LAMA2: variants seen among roughly 807,000 people sequenced by gnomAD.
The protein encoded by LAMA2 is laminin subunit alpha 2.
LAMA2 carries 269 observed loss-of-function variants against 364.8 expected under a neutral mutation model. That is an observed-to-expected ratio of 0.74 (90% CI 0.67 to 0.82). The LOEUF (loss-of-function observed/expected upper bound fraction) is 0.82, where lower values mean the gene tolerates loss of function less well. Ranked by LOEUF, LAMA2 falls within the 40% of genes least tolerant of loss-of-function variation. The pLI is 0.00. For synonymous variants in LAMA2, 1,379 were observed against 1,370.6 expected (o/e 1.01, Z -0.14); for missense variants, 3,807 against 3,873.2 (o/e 0.98, Z 0.45).
At chr6:129,443,265 T>G (rs1457082742) in intron 44 of LAMA2, among the ~76,000 whole-genome samples, 197 bp downstream of exon 44, 1 of 152,050 alleles carries the variant, frequency 6.6e-6, no homozygotes, top group African/African-American at 2.4e-5. Flanking sequence ...TGGATAAAGG[T>G]GATATAAAAT....
At chr6:129,146,573 C>T (rs1003935514) in intron 5 of LAMA2, among the ~76,000 whole-genome samples, 1 of 152,006 alleles carries the variant, frequency 6.6e-6, no homozygotes, top group South Asian at 2.1e-4. Flanking sequence ...TTTGTGAATA[C>T]TGCAGTTGCT....
At chr6:129,484,396 C>T (rs1784497742) in intron 55 of LAMA2, among the ~76,000 whole-genome samples, 1 of 152,314 alleles carries the variant, frequency 6.6e-6, no homozygotes, top group South Asian at 2.1e-4. Flanking sequence ...TGTGCATACT[C>T]TCTACAAGCC....
At chr6:129,075,851 G>T (rs746393308) in intron 3 of LAMA2, among the ~76,000 whole-genome samples, 13 of 152,112 alleles carry the variant, frequency 8.5e-5, no homozygotes, top group Non-Finnish European at 1.8e-4. Context: ...CACTTTGGGA[G>T]GTTGAGGTGG....
At chr6:129,377,449 C>T (rs999026573) in intron 34 of LAMA2, among the ~76,000 whole-genome samples, 6 of 151,998 alleles carry the variant, frequency 3.9e-5, no homozygotes, top group Non-Finnish European at 8.8e-5. Context: ...TTAAAATTGG[C>T]ACGTGAAATA....
chr6:129,219,947 T>G (rs1289730898), intron 12 of LAMA2, among the ~76,000 whole-genome samples: 1 of 151,524 alleles, frequency 6.6e-6, no homozygotes, highest in Non-Finnish European at 1.5e-5. Context: ...GGTGCACATG[T>G]ACCCTAAAAC....
At chr6:129,363,344 C>A (rs968837611) in intron 32 of LAMA2, among the ~76,000 whole-genome samples, 14 of 152,124 alleles carry the variant, frequency 9.2e-5, no homozygotes, top group African/African-American at 3.4e-4. Flanking sequence ...TTAGACCTTA[C>A]CACAGACCCA....
At chr6:129,371,607 CT>C (rs376262275) in intron 34 of LAMA2, among the ~76,000 whole-genome samples, 177 of 132,544 alleles carry the variant, frequency 1.3e-3, no homozygotes, top group Middle Eastern at 4.0e-3. Context: ...AAAAGTATTT[CT>C]TTTTTTTTTT....
chr6:129,173,866 T>C (rs1780385175), intron 9 of LAMA2, among the ~76,000 whole-genome samples: 1 of 152,186 alleles, frequency 6.6e-6, no homozygotes, highest in Admixed American at 6.5e-5. Context: ...TCTTCTCTGA[T>C]TTTTCTTTTA....
chr6:129,175,269 G>C (rs1403737771), intron 9 of LAMA2, among the ~76,000 whole-genome samples: 3 of 152,120 alleles, frequency 2.0e-5, no homozygotes, highest in Non-Finnish European at 4.4e-5. Context: ...CCCACCAGTT[G>C]TGCTCCTTTG....
chr6:129,374,580 T>C (rs1414999345), intron 34 of LAMA2, among the ~76,000 whole-genome samples: 1 of 133,494 alleles, frequency 7.5e-6, no homozygotes, highest in Non-Finnish European at 1.6e-5. Flanking sequence ...ACTGCCAATC[T>C]TTTTTTTTTT....
At chr6:129,274,913 T>C (rs994038078) in intron 17 of LAMA2, among the ~76,000 whole-genome samples, 3 of 152,010 alleles carry the variant, frequency 2.0e-5, no homozygotes, top group Admixed American at 1.3e-4. Flanking sequence ...TGTTTGAATA[T>C]ATAATATTAT....
At chr6:129,129,656 GGC>G (rs1213909868) in intron 4 of LAMA2, among the ~76,000 whole-genome samples, 2 of 152,096 alleles carry the variant, frequency 1.3e-5, no homozygotes, top group Non-Finnish European at 2.9e-5. Context: ...CGGGCGCGGT[GGC>G]TCACGCCTGT....
intron 1 of LAMA2, among the ~76,000 whole-genome samples, chr6:128,944,533 G>A (rs780139649): frequency 1.3e-5 from 2 of 152,100 alleles, no homozygotes; most frequent in East Asian, 1.9e-4. Context: ...AGTGGCTCAC[G>A]CCTGTAATCC....
chr6:128,884,893 T>C (rs1172910652), intron 1 of LAMA2, among the ~76,000 whole-genome samples: 1 of 152,164 alleles, frequency 6.6e-6, no homozygotes, highest in Non-Finnish European at 1.5e-5. Flanking sequence ...ACTCAAAGCA[T>C]GCAGAGTAAG....
rs992393307 is a variant in LAMA2, at chr6:129,286,450, A to C, written c.2538-1397A>C. On this transcript the variant is annotated intron_variant, in intron 18 of 64. Coordinates refer to ENST00000421865, the MANE Select transcript of LAMA2 (RefSeq NM_000426.4). ...AGCAGTAAGTTGCATTTTAAAACAT[A>C]ACATTTAGGTCAGAGAAAATTTGCT... Among the ~76,000 whole-genome samples, 3 of 147,262 alleles carry C rather than the reference A, an allele frequency of 2.0e-5. No individual in the cohort carries two copies. The Admixed American group carries it at 2.1e-4, about 10-fold the overall frequency.
chr6:129,327,202 C>T (rs1775353591), intron 28 of LAMA2, among the ~76,000 whole-genome samples: 1 of 152,054 alleles, frequency 6.6e-6, no homozygotes, highest in East Asian at 1.9e-4. Context: ...AGTACTTTTG[C>T]ATTATCCAAA....
At chr6:129,289,291 C>T (rs763236434) in intron 19 of LAMA2, among the ~76,000 whole-genome samples, 3 of 152,158 alleles carry the variant, frequency 2.0e-5, no homozygotes, top group African/African-American at 4.8e-5. Context: ...CACAGATCAT[C>T]TAGGATCTAC....
rs199942891 is a variant in LAMA2 at position 129,298,894 on chromosome 6, G to A, written c.3037+1029G>A. Among the ~76,000 whole-genome samples, 33 of 152,184 alleles carry A rather than the reference G, an allele frequency of 2.2e-4. No homozygotes were observed. The East Asian group carries it at 6.2e-3, about 28-fold the overall frequency. On this transcript the variant is annotated intron_variant, in intron 21 of 64. Transcript: ENST00000421865. ...ATAATTGTAGATCCTCTAAGAATCT[G>A]TATATCTCTAAGCCAATATCTGTAT... is the stretch of plus-strand genomic sequence containing the variant.
rs73585595 is a variant in LAMA2, at chr6:129,332,434, C to T, written c.4311+4022C>T. On this transcript the variant is annotated intron_variant, in intron 29 of 64. Transcript: ENST00000421865. ...ATCTGTAAAGCAAGGTCCTTTATTT[C>T]TCTTCTCTTCTAATTAACTAGATGC... Among the ~76,000 whole-genome samples the T allele has an allele frequency of 6.9e-3, 1,051 of 152,106 alleles. 15 individuals are homozygous for T. Among genetic ancestry groups the T allele is most frequent in the African/African-American group, 0.024 (1,000 of 41,504 alleles).
Sources: allele counts gnomAD v4.1 joint callset (sites outside exome capture counted in the v4.1 genomes callset), GRCh38; gene constraint gnomAD v4.1.1; transcripts MANE v1.5; gene names NCBI Gene and HGNC (gene_info 2026-07-23, HGNC 2026-07-21).